Variants in DNAH10 observed in about 807,000 individuals in gnomAD.
The protein encoded by DNAH10 is axonemal beta dynein heavy chain 10.
DNAH10 carries 348 observed loss-of-function variants against 506.6 expected under a neutral mutation model. The ratio of observed to expected loss-of-function variants is 0.69; its 90% CI spans 0.63 to 0.75. The LOEUF is 0.75. DNAH10 is among the 30% of genes least tolerant of loss of function. The pLI, the probability that DNAH10 is intolerant of heterozygous loss-of-function variation, is 0.00. For synonymous variants in DNAH10, 2,059 were observed against 2,198.6 expected, an observed-to-expected ratio of 0.94 and a Z score of 1.78; for missense variants, 5,179 against 5,787.1, an observed-to-expected ratio of 0.89 and a Z score of 3.41.
In DNAH10 at chr12:123,931,360, G is replaced by A. The variant is rs757846423; in HGVS notation, c.12804G>A (p.Pro4268=). ...EKFVEAIEAL[P]LANTPEVFGL... ...TTGCAGAAGCCATCGAGGCCCTCCCGCTTGCCAACACGCCAGAAGTGTTTG... is the reference window on the plus strand; with the variant it reads ...TTGCAGAAGCCATCGAGGCCCTCCCACTTGCCAACACGCCAGAAGTGTTTG... The change falls in exon 74 of 79, where the codon CCG becomes CCA. Residue 4268 remains proline, a synonymous_variant. Transcript: ENST00000673944. 1.8e-5 allele frequency: 29 copies of A among 1,613,672 alleles called. No homozygotes were observed. The East Asian group carries it at 3.6e-4, about 20-fold the overall frequency.
intron 28 of DNAH10, among the ~76,000 whole-genome samples, chr12:123,836,883 C>T (rs568563473): frequency 2.6e-5 from 4 of 151,068 alleles, no homozygotes; most frequent in South Asian, 4.2e-4. Flanking sequence ...GACAGAGTCT[C>T]GCTCTGTCGC....
chr12:123,801,673 A>G (rs1358249625), intron 16 of DNAH10, among the ~76,000 whole-genome samples: 1 of 152,166 alleles, frequency 6.6e-6, no homozygotes, highest in African/African-American at 2.4e-5. Flanking sequence ...AAAGAAAATC[A>G]CCTTTACTTT....
intron 45 of DNAH10, 106 bp from the exon 46 acceptor site, chr12:123,873,452 C>A: frequency 7.4e-7 from 1 of 1,349,242 alleles, no homozygotes; most frequent in Non-Finnish European, 1.0e-6. Flanking sequence ...AAAGTTAGTT[C>A]AGAGGCCAAT....
chr12:123,932,090 C>T lies in DNAH10; in HGVS notation c.13278C>T (p.Phe4426=), dbSNP rs780939265. 6.2e-7 allele frequency: 1 copy of T among 1,613,814 alleles called. No individual in the cohort carries two copies. The highest frequency in any genetic ancestry group is 8.5e-7 in the Non-Finnish European group (1 of 1,179,898). The change falls in exon 76 of 79, where the codon TTC becomes TTT. Residue 4426 remains phenylalanine (F), a synonymous_variant. Transcript: ENST00000673944. ...GNWMVYFLRR[F]SQYMLWVTES... is the part of the protein sequence containing the mutation. ...GGATGGTCTACTTCCTGCGGCGGTT[C>T]AGCCAGTACATGTTGTGGGTAAGTG...
chr12:123,843,010 T>C (rs547878049), intron 30 of DNAH10, among the ~76,000 whole-genome samples: 1 of 152,366 alleles, frequency 6.6e-6, no homozygotes, highest in South Asian at 2.1e-4. Flanking sequence ...TAAATTATCT[T>C]TTCTGCTCCA....
chr12:123,809,147 AAACTCG>A (rs1354259027), intron 19 of DNAH10, among the ~76,000 whole-genome samples, 194 bp downstream of exon 19: 1 of 152,150 alleles, frequency 6.6e-6, no homozygotes, highest in African/African-American at 2.4e-5. Context: ...CTTGACCCAG[AAACTCG>A]TCCTTGTTTC....
At position 123,903,650 on chromosome 12, in the gene DNAH10, T is replaced by C. The variant is rs1167389455; in HGVS notation, c.9815+537T>C. Reference sequence around the variant, plus strand: ...CCTGTCCCCCACACCAGAGGGCTCATCTGCTGTCAGCGAGGGTAACGTGGT... The same window carrying C: ...CCTGTCCCCCACACCAGAGGGCTCACCTGCTGTCAGCGAGGGTAACGTGGT... On this transcript the variant is annotated intron_variant, in intron 57 of 78. Transcript: ENST00000673944. The surrounding 1 kb of genome is among the most constrained non-coding windows in gnomAD (Gnocchi z 4.6). 6.6e-6 allele frequency among the ~76,000 whole-genome samples: 1 copy of C among 152,212 alleles called. No individual in the cohort carries two copies. The highest frequency in any genetic ancestry group is 2.4e-5 in the African/African-American group (1 of 41,466).
chr12:123,891,320 A>G lies in DNAH10; in HGVS notation c.8996-1913A>G, dbSNP rs1008150595. ...TCATTTCAACTTGATTATCTCTGTA[A>G]AGACAATTTCCAAATAAAGTCACAA... On this transcript the variant is annotated intron_variant, in intron 52 of 78. Coordinates refer to ENST00000673944, the MANE Select transcript of DNAH10 (RefSeq NM_001372106.1). 9.2e-5 allele frequency among the ~76,000 whole-genome samples: 14 copies of G among 152,150 alleles called. No individual in the cohort carries two copies. The East Asian group carries it at 2.7e-3, about 29-fold the overall frequency.
intron 52 of DNAH10, among the ~76,000 whole-genome samples, chr12:123,889,845 ACT>A (rs1459715905): frequency 6.6e-6 from 1 of 151,980 alleles, no homozygotes; most frequent in Non-Finnish European, 1.5e-5. Context: ...TCCTGGGGAC[ACT>A]CTGTTTCCCT....
At position 123,903,219 on chromosome 12, in the gene DNAH10, C is replaced by T; in HGVS notation, c.9815+106C>T. Reference sequence around the variant, plus strand: ...CTTACAAAGGAGCCGATGCCACATGCTGCCACTGTGCCTGGCTCTCTCCAT... The same window carrying T: ...CTTACAAAGGAGCCGATGCCACATGTTGCCACTGTGCCTGGCTCTCTCCAT... On this transcript the variant is annotated intron_variant, in intron 57 of 78. Coordinates refer to ENST00000673944, the MANE Select transcript of DNAH10 (RefSeq NM_001372106.1). The surrounding 1 kb of genome is among the most constrained non-coding windows in gnomAD (Gnocchi z 4.6). 7.4e-7 allele frequency: 1 copy of T among 1,355,758 alleles called. No homozygotes were observed. The highest frequency in any genetic ancestry group is 9.8e-7 in the Non-Finnish European group (1 of 1,017,838). 84.0% of individuals were successfully genotyped at this position (1,355,758 alleles called of 1,614,324 possible). A position where few individuals can be genotyped will look rare whatever the true frequency, so the allele number is the denominator to read the frequency against.
At chr12:123,851,097 C>A in intron 35 of DNAH10, 21 bp downstream of exon 35, 1 of 1,578,694 alleles carries the variant, frequency 6.3e-7, no homozygotes, top group Non-Finnish European at 8.6e-7. Context: ...TTGGCAGCGC[C>A]AGGTCGTGCA....
At chr12:123,795,009 C>T (rs918686594) in intron 12 of DNAH10, among the ~76,000 whole-genome samples, 3 of 150,970 alleles carry the variant, frequency 2.0e-5, no homozygotes, top group African/African-American at 4.9e-5. Flanking sequence ...ATTAGCCAGG[C>T]GTGGTGGTGG....
At chr12:123,835,550 T>C (rs749305202) in intron 28 of DNAH10, 22 bp downstream of exon 28, 2 of 1,600,932 alleles carry the variant, frequency 1.2e-6, no homozygotes, top group Admixed American at 1.7e-5. Context: ...GCTTCTATTT[T>C]AGTAATGAAA....
intron 1 of DNAH10, among the ~76,000 whole-genome samples, chr12:123,764,843 C>T (rs191308893): frequency 3.5e-4 from 54 of 152,276 alleles, no homozygotes; most frequent in African/African-American, 1.1e-3. Context: ...TCTCTGGAAA[C>T]TCTCAAAGCT....
rs779143922 is a variant in DNAH10 at position 123,924,413 on chromosome 12, A to ACCC, written c.11747_11748insCCC (p.Asn3916_Gln3917insPro). ...CAACTTCCTGATGATGTTGAGAATAATCAGACTGTCTGGCAGGAGGTGAGC... is the reference window on the plus strand; with the variant it reads ...CAACTTCCTGATGATGTTGAGAATAACCCTCAGACTGTCTGGCAGGAGGTGAGC... On this transcript the variant is annotated inframe_insertion, in exon 67 of 79. Coordinates refer to ENST00000673944, the MANE Select transcript of DNAH10 (RefSeq NM_001372106.1). 6.2e-7 allele frequency: 1 copy of ACCC among 1,613,242 alleles called. No individual in the cohort carries two copies. The highest frequency in any genetic ancestry group is 1.7e-5 in the Admixed American group (1 of 59,996).
At position 123,850,743 on chromosome 12, in the gene DNAH10, G is replaced by A. The variant is rs185947151; in HGVS notation, c.6103-145G>A. The A allele has an allele frequency of 9.1e-5, 80 of 876,534 alleles. 1 individual carries two copies. In the East Asian group the frequency reaches 2.0e-3, roughly 22 times the overall value. The allele number at this position is 876,534 out of a possible 1,614,324, so 54.3% of individuals were successfully genotyped here. A position where few individuals can be genotyped will look rare whatever the true frequency, so the allele number is the denominator to read the frequency against. On this transcript the variant is annotated intron_variant, in intron 34 of 78. Coordinates refer to ENST00000673944, the MANE Select transcript of DNAH10 (RefSeq NM_001372106.1). This position sits in a 1 kb window ranked among gnomAD's most constrained non-coding sequence, Gnocchi z 5.5. ...CGAGGGGGGCCCTGCATTGAACACC[G>A]GGGAGGGAAAAAGAGACAAGTGGTG...
In DNAH10 at chr12:123,881,739, G is replaced by T; in HGVS notation, c.8749G>T (p.Ala2917Ser). The T allele has an allele frequency of 6.5e-7, 1 of 1,547,530 alleles. No individual in the cohort carries two copies. The highest frequency in any genetic ancestry group is 1.2e-5 in the South Asian group (1 of 83,322). ...HRIIRMDRGH[A>S]LLVGVGGSGK... is the part of the protein sequence containing the mutation. ...TATCATCCGCATGGACCGCGGCCAC[G>T]CCCTGCTGGTCGGGGTAGGGGGCTC... is the stretch of plus-strand genomic sequence containing the variant. The change falls in exon 51 of 79, where the codon GCC becomes TCC. Residue 2917 changes from alanine to serine, a missense_variant. By Grantham distance (99) the Ala-to-Ser change is moderately conservative. Around this residue, in one of 3 missense-constraint regions of DNAH10, gnomAD observed 4,844 missense variants for 5,430.5 expected, o/e 0.89. Coordinates refer to ENST00000673944, the MANE Select transcript of DNAH10 (RefSeq NM_001372106.1).
Position 123,918,743 on chromosome 12 carries a change from G to A in DNAH10, c.11300G>A (p.Arg3767Gln), listed in dbSNP as rs754700007. 6 of 1,605,340 alleles carry A rather than the reference G, an allele frequency of 3.7e-6. No individual in the cohort carries two copies. The highest frequency in any genetic ancestry group is 1.7e-5 in the Admixed American group (1 of 59,642). The part of the protein sequence containing the change: ...LDIDRLRDGY[R>Q]PAARRGAILF... ...ATCGACAGGCTGCGGGATGGCTACC[G>A]GCCAGCAGCCAGGAGGGGGGCCATC... is the stretch of plus-strand genomic sequence containing the variant. The change falls in exon 65 of 79, where the codon CGG becomes CAG. Residue 3767 changes from arginine to glutamine, a missense_variant. This residue lies in a region of DNAH10 where 4,844 missense variants were observed against 5,430.5 expected (regional missense o/e 0.89). Transcript: ENST00000673944.
In DNAH10 at chr12:123,771,629, T is replaced by G. The variant is rs764522789; in HGVS notation, c.327T>G (p.Ser109=). 8 of 1,613,736 alleles carry G rather than the reference T, an allele frequency of 5.0e-6. No individual in the cohort carries two copies. Among genetic ancestry groups the G allele is most frequent in the Non-Finnish European group, 6.8e-6 (8 of 1,179,802 alleles). The change falls in exon 3 of 79, where the codon TCT becomes TCG. Residue 109 remains serine, a synonymous_variant. Coordinates refer to ENST00000673944, the MANE Select transcript of DNAH10 (RefSeq NM_001372106.1). ...RAKRVSLRTE[S]LGQPLNREDE... The stretch of plus-strand genomic sequence containing the variant: ...AGCGTGTGTCACTGAGAACCGAATC[T>G]CTAGGCCAACCTCTAAACAGAGAGG...
Sources: gnomAD v4.1 joint callset for allele counts (sites outside exome capture counted in the v4.1 genomes callset) on GRCh38, gnomAD v4.1.1 for gene constraint, gnomAD v4.1.1 regional missense constraint, Gnocchi (gnomAD v3.1) non-coding constraint, MANE v1.5 for transcripts, NCBI Gene and HGNC (gene_info 2026-07-23, HGNC 2026-07-21) for gene names.